The following CDC42 variants were observed in gnomAD, a reference collection of about 807,000 sequenced individuals.
CDC42 encodes the protein cell division control protein 42 homolog.
A neutral mutation model predicts 20.8 loss-of-function variants in CDC42; 1 was observed. That is an observed-to-expected ratio of 0.05 (90% confidence interval 0.02 to 0.23). The LOEUF is 0.23. Ranked by LOEUF, CDC42 falls within the 10% of genes least tolerant of loss-of-function variation. The pLI is 1.00. For synonymous variants in CDC42, 72 were observed against 84.8 expected (o/e 0.85, Z 0.83); for missense variants, 49 against 227.9 (o/e 0.21, Z 5.05).
At chr1:22,085,243 A>AG (rs1645649870) in intron 3 of CDC42, among the ~76,000 whole-genome samples, 3 of 125,872 alleles carry the variant, frequency 2.4e-5, no homozygotes, top group Non-Finnish European at 4.9e-5. Context: ...AAAAAAAAAA[A>AG]AAAAAGAAAA....
chr1:22,100,140 G>C lies in CDC42; in HGVS notation c.*8623G>C, dbSNP rs1416937456. ...AAGGTCTGAGGGAGGCTTGGAGCCA[G>C]CTCTGCAACCTGGCTCCCTTCTTTC... On this transcript the variant is annotated 3_prime_UTR_variant, in exon 6 of 6. Transcript: ENST00000656825. Among the ~76,000 whole-genome samples the C allele has an allele frequency of 6.6e-6, 1 of 151,472 alleles. No homozygotes were observed. The highest frequency in any genetic ancestry group is 1.5e-5 in the Non-Finnish European group (1 of 67,968).
Position 22,086,818 on chromosome 1 carries a change from C to T in CDC42, c.438C>T (p.Ala146=), listed in dbSNP as rs1645665985. 2 of 1,613,976 alleles carry T rather than the reference C, an allele frequency of 1.2e-6. No homozygotes were observed. Among genetic ancestry groups the T allele is most frequent in the Non-Finnish European group, 1.7e-6 (2 of 1,179,938 alleles). Reference sequence around the variant, plus strand: ...CTCCAGAGACTGCTGAAAAGCTGGCCCGTGACCTGAAGGCTGTCAAGTATG... The same window carrying T: ...CTCCAGAGACTGCTGAAAAGCTGGCTCGTGACCTGAAGGCTGTCAAGTATG... The part of the protein sequence containing the change: ...PITPETAEKL[A]RDLKAVKYVE... Residue 146 remains alanine, a synonymous_variant, in exon 5 of 6, where the codon GCC becomes GCT. Coordinates refer to ENST00000656825, the MANE Select transcript of CDC42 (RefSeq NM_001791.4).
chr1:22,099,005 C>T lies in CDC42; in HGVS notation c.*7488C>T, dbSNP rs1246050838. Among the ~76,000 whole-genome samples, 1 of 152,170 alleles carries T rather than the reference C, an allele frequency of 6.6e-6. No homozygotes were observed. Among genetic ancestry groups the T allele is most frequent in the South Asian group, 2.1e-4 (1 of 4,832 alleles). On this transcript the variant is annotated 3_prime_UTR_variant, in exon 6 of 6. Coordinates refer to ENST00000656825, the MANE Select transcript of CDC42 (RefSeq NM_001791.4). The stretch of plus-strand genomic sequence containing the variant: ...AACTCCTGAGCTGATCCTCCCACCT[C>T]GGCCTCCCAACGTGCTGGGATTACA...
rs1316668674 is a variant in CDC42, at chr1:22,097,991, C to A, written c.*6474C>A. Among the ~76,000 whole-genome samples the A allele has an allele frequency of 6.6e-6, 1 of 151,950 alleles. No individual in the cohort carries two copies. The highest frequency in any genetic ancestry group is 2.4e-5 in the African/African-American group (1 of 41,364). ...AAGGTAAGTATAGCATTTTCTCAACCCTATTACAATAGAGCACAGGATCAT... is the reference window on the plus strand; with the variant it reads ...AAGGTAAGTATAGCATTTTCTCAACACTATTACAATAGAGCACAGGATCAT... On this transcript the variant is annotated 3_prime_UTR_variant, in exon 6 of 6. Transcript: ENST00000656825.
intron 1 of CDC42, among the ~76,000 whole-genome samples, chr1:22,070,966 C>T (rs1645483821): frequency 6.6e-6 from 1 of 151,920 alleles, no homozygotes; most frequent in Admixed American, 6.6e-5. Flanking sequence ...GTATAAATGG[C>T]CTTGCTGAGA....
intron 1 of CDC42, among the ~76,000 whole-genome samples, chr1:22,064,906 C>T (rs17837958): frequency 0.018 from 2,778 of 152,174 alleles, 40 homozygotes; most frequent in South Asian, 0.048. Context: ...CGAACTTGAC[C>T]TCAGGTGATC....
At chr1:22,061,648 A>G (rs1381001387) in intron 1 of CDC42, among the ~76,000 whole-genome samples, 3 of 137,856 alleles carry the variant, frequency 2.2e-5, no homozygotes, top group East Asian at 2.3e-4. Flanking sequence ...GGTTCAAGCA[A>G]TTCTCCTGCC....
chr1:22,078,535 C>T lies in CDC42; in HGVS notation c.57C>T (p.Leu19=). The T allele has an allele frequency of 1.2e-6, 2 of 1,613,502 alleles. No homozygotes were observed. Among genetic ancestry groups the T allele is most frequent in the Non-Finnish European group, 1.7e-6 (2 of 1,179,840 alleles). Residue 19 remains leucine, a synonymous_variant, in exon 2 of 6, where the codon CTC becomes CTT. Coordinates refer to ENST00000656825, the MANE Select transcript of CDC42 (RefSeq NM_001791.4). Reference sequence around the variant, plus strand: ...ATGGTGCTGTTGGTAAAACATGTCTCCTGATATCCTACACAACAAACAAAT... The same window carrying T: ...ATGGTGCTGTTGGTAAAACATGTCTTCTGATATCCTACACAACAAACAAAT... ...VGDGAVGKTC[L]LISYTTNKFP...
At position 22,081,881 on chromosome 1, in the gene CDC42, A is replaced by G. The variant is rs761281005; in HGVS notation, c.178+87A>G. 120 of 818,544 alleles carry G rather than the reference A, an allele frequency of 1.5e-4. No individual in the cohort carries two copies. Among genetic ancestry groups the G allele is most frequent in the Non-Finnish European group, 5.3e-5 (26 of 486,686 alleles). 50.7% of individuals were successfully genotyped at this position (818,544 alleles called of 1,614,324 possible). A position where few individuals can be genotyped will look rare whatever the true frequency, so the allele number is the denominator to read the frequency against. ...TGTGGACATTTTGAGAAACTAGCAC[A>G]TGAGCAAAGTACTTGCCTTTTGTTA... On this transcript the variant is annotated intron_variant, in intron 3 of 5. Coordinates refer to ENST00000656825, the MANE Select transcript of CDC42 (RefSeq NM_001791.4).
At chr1:22,090,493 G>A (rs1645704889) in intron 5 of CDC42, 1 of 987,174 alleles carries the variant, frequency 1.0e-6, no homozygotes, top group African/African-American at 1.7e-5. Flanking sequence ...GGGGAAGGGA[G>A]GATTCTTTTC....
chr1:22,082,324 CGATA>C (rs1195606674), intron 3 of CDC42, among the ~76,000 whole-genome samples: 15 of 152,166 alleles, frequency 9.9e-5, no homozygotes, highest in Non-Finnish European at 1.9e-4. Context: ...TAGTTTCTTA[CGATA>C]GATAGCTTAT....
chr1:22,055,921 A>G (rs899621529), intron 1 of CDC42, among the ~76,000 whole-genome samples: 2 of 144,442 alleles, frequency 1.4e-5, no homozygotes, highest in African/African-American at 5.3e-5. Flanking sequence ...CTTAGGCTAC[A>G]GGGCTTCCTT....
chr1:22,081,878 C>A, intron 3 of CDC42, 84 bp downstream of exon 3: 1 of 844,452 alleles, frequency 1.2e-6, no homozygotes, highest in Non-Finnish European at 2.0e-6. Context: ...GAGAAACTAG[C>A]ACATGAGCAA....
chr1:22,089,896 A>C lies in CDC42; in HGVS notation c.487-1532A>C, dbSNP rs1192945812. The C allele has an allele frequency of 3.1e-6, 5 of 1,593,856 alleles. No homozygotes were observed. In the African/African-American group the frequency reaches 6.7e-5, roughly 21 times the overall value. The stretch of plus-strand genomic sequence containing the variant: ...GCTGTTGTACCTGCTAGTCTTTCTA[A>C]TCCTCTAACCTGGCTGCTATTCTCT... On this transcript the variant is annotated intron_variant, in intron 5 of 5. Transcript: ENST00000656825.
At chr1:22,067,209 T>C (rs947739069) in intron 1 of CDC42, among the ~76,000 whole-genome samples, 1 of 152,216 alleles carries the variant, frequency 6.6e-6, no homozygotes, top group African/African-American at 2.4e-5. Flanking sequence ...CTGGGTAGCT[T>C]GTAAACGACA....
intron 2 of CDC42, among the ~76,000 whole-genome samples, chr1:22,080,340 G>A (rs1037386356): frequency 6.6e-6 from 1 of 152,166 alleles, no homozygotes; most frequent in African/African-American, 2.4e-5. Context: ...AAAATAATCT[G>A]TTTGGTTTGA....
chr1:22,089,906 C>G (rs557322265), intron 5 of CDC42: 1 of 1,606,118 alleles, frequency 6.2e-7, no homozygotes. Context: ...ATCCTCTAAC[C>G]TGGCTGCTAT....
In CDC42 at chr1:22,098,365, T is replaced by A. The variant is rs931448512; in HGVS notation, c.*6848T>A. Among the ~76,000 whole-genome samples the A allele has an allele frequency of 2.0e-5, 3 of 152,144 alleles. No individual in the cohort carries two copies. Among genetic ancestry groups the A allele is most frequent in the African/African-American group, 7.2e-5 (3 of 41,426 alleles). On this transcript the variant is annotated 3_prime_UTR_variant, in exon 6 of 6. Transcript: ENST00000656825. ...GAAAAAAAAAATACTCCTGAGATTCTGAATCTGTAAGTATGCAATGGGACC... is the reference window on the plus strand; with the variant it reads ...GAAAAAAAAAATACTCCTGAGATTCAGAATCTGTAAGTATGCAATGGGACC...
chr1:22,089,875 T>C (rs1400545316), intron 5 of CDC42: 6 of 1,505,334 alleles, frequency 4.0e-6, no homozygotes, highest in African/African-American at 1.4e-5. Flanking sequence ...CGGACTGCTG[T>C]TGTACCTGCT....
Sources: allele counts gnomAD v4.1 joint callset (sites outside exome capture counted in the v4.1 genomes callset), GRCh38; gene constraint gnomAD v4.1.1; transcripts MANE v1.5; gene names NCBI Gene and HGNC (gene_info 2026-07-23, HGNC 2026-07-21).